The following WDFY1 variants were observed in gnomAD, a reference collection of about 807,000 sequenced individuals.
WDFY1 encodes WD repeat and FYVE domain-containing protein 1.
In WDFY1, 32 loss-of-function variants were observed where a neutral mutation model predicts 56.4. The ratio of observed to expected loss-of-function variants is 0.57; its 90% CI spans 0.43 to 0.76. The LOEUF is 0.76. Among genes scored for constraint, WDFY1 ranks in the 30% least tolerant of loss-of-function variants. WDFY1 has a pLI of 0.00. For missense variants in WDFY1, 480 were observed against 545.7 expected, an observed-to-expected ratio of 0.88 and a Z score of 1.20; for synonymous variants, 192 against 197.3, an observed-to-expected ratio of 0.97 and a Z score of 0.23.
chr2:223,896,338 C>A (rs967238503), intron 6 of WDFY1, among the ~76,000 whole-genome samples: 1 of 19,470 alleles, frequency 5.1e-5, no homozygotes, highest in Non-Finnish European at 1.8e-4. Flanking sequence ...CCAACCTACA[C>A]AAGATAAAAA....
chr2:223,882,335 G>A (rs1693086587), intron 9 of WDFY1, among the ~76,000 whole-genome samples: 2 of 152,134 alleles, frequency 1.3e-5, no homozygotes, highest in Non-Finnish European at 1.5e-5. Context: ...GGCTGGTCTC[G>A]AACTCCTGAC....
intron 2 of WDFY1, among the ~76,000 whole-genome samples, chr2:223,916,278 A>G (rs1014477237): frequency 1.2e-4 from 19 of 152,352 alleles, no homozygotes; most frequent in African/African-American, 4.1e-4. Flanking sequence ...TGAAATAGGT[A>G]TAAAGGAGAA....
chr2:223,876,267 C>T lies in WDFY1; in HGVS notation c.*2404G>A, dbSNP rs1172733621. On this transcript the variant is annotated 3_prime_UTR_variant, in exon 12 of 12. Coordinates refer to ENST00000233055, the MANE Select transcript of WDFY1 (RefSeq NM_020830.5). ...ATTCAGGAATGGAACAACCAGTAAA[C>T]TGTTACTTGAAGAACTAATTTAAAT... 3 of 152,452 alleles carry T rather than the reference C, an allele frequency of 2.0e-5. No homozygotes were observed. Among genetic ancestry groups the T allele is most frequent in the Non-Finnish European group, 4.4e-5 (3 of 67,998 alleles). The allele number at this position is 152,452 out of a possible 1,614,324, so 9.4% of individuals were successfully genotyped here.
At position 223,918,097 on chromosome 2, in the gene WDFY1, T is replaced by TG. The variant is rs1693820496; in HGVS notation, c.138-88_138-87insC. On this transcript the variant is annotated intron_variant, in intron 1 of 11. Coordinates refer to ENST00000233055, the MANE Select transcript of WDFY1 (RefSeq NM_020830.5). ...TGAGAACTTAATTTTTAAAATTTGTTTAACACTATTTCCTAACTGACCTTA... is the reference window on the plus strand; with the variant it reads ...TGAGAACTTAATTTTTAAAATTTGTTGTAACACTATTTCCTAACTGACCTTA... 2.8e-6 allele frequency: 4 copies of TG among 1,406,026 alleles called. No individual in the cohort carries two copies. In the South Asian group the frequency reaches 5.1e-5, roughly 18 times the overall value. The allele number at this position is 1,406,026 out of a possible 1,614,324, so 87.1% of individuals were successfully genotyped here. A position where few individuals can be genotyped will look rare whatever the true frequency, so the allele number is the denominator to read the frequency against.
chr2:223,926,248 G>C (rs1203443244), intron 1 of WDFY1, among the ~76,000 whole-genome samples: 2 of 152,090 alleles, frequency 1.3e-5, no homozygotes, highest in African/African-American at 4.8e-5. Flanking sequence ...CCAGGCTCCA[G>C]GGATCCTCCC....
intron 1 of WDFY1, among the ~76,000 whole-genome samples, chr2:223,930,161 C>A (rs1240274592): frequency 2.0e-5 from 3 of 152,320 alleles, no homozygotes; most frequent in Non-Finnish European, 4.4e-5. Context: ...CTACCTCCAG[C>A]TCTAGATTTA....
intron 1 of WDFY1, among the ~76,000 whole-genome samples, chr2:223,920,701 A>C (rs898929355): frequency 6.6e-6 from 1 of 152,210 alleles, no homozygotes; most frequent in Non-Finnish European, 1.5e-5. Flanking sequence ...GATCCTGAGG[A>C]GAAAATGGAG....
intron 8 of WDFY1, 111 bp from the exon 9 acceptor site, chr2:223,884,860 T>TTCTTC (rs72048678): frequency 0.026 from 12,166 of 467,122 alleles, 151 homozygotes; most frequent in East Asian, 0.047. Flanking sequence ...TCTTTTCTTC[T>TTCTTC]TTTTTTTTTT....
chr2:223,887,316 C>A (rs1358368483), intron 8 of WDFY1, among the ~76,000 whole-genome samples: 1 of 152,136 alleles, frequency 6.6e-6, no homozygotes, highest in East Asian at 1.9e-4. Context: ...CCAAGCGTAA[C>A]TCTTGCAAAA....
At chr2:223,902,276 A>C (rs1693519166) in intron 4 of WDFY1, among the ~76,000 whole-genome samples, 1 of 152,360 alleles carries the variant, frequency 6.6e-6, no homozygotes, top group East Asian at 1.9e-4. Flanking sequence ...TTAATCTTAA[A>C]TTCAGCTGGG....
At chr2:223,927,790 A>G (rs1694010199) in intron 1 of WDFY1, among the ~76,000 whole-genome samples, 1 of 152,208 alleles carries the variant, frequency 6.6e-6, no homozygotes, top group Admixed American at 6.5e-5. Flanking sequence ...AAGCTTAATC[A>G]TTTCTAACGT....
At chr2:223,879,040 A>G (rs1024436704) in intron 11 of WDFY1, among the ~76,000 whole-genome samples, 1 of 152,182 alleles carries the variant, frequency 6.6e-6, no homozygotes, top group Non-Finnish European at 1.5e-5. Context: ...TACAGAAATT[A>G]GCCTGGTGTG....
chr2:223,939,774 T>C (rs1689267844), intron 1 of WDFY1, among the ~76,000 whole-genome samples: 1 of 152,100 alleles, frequency 6.6e-6, no homozygotes, highest in Non-Finnish European at 1.5e-5. Flanking sequence ...CAATTCAAGA[T>C]AAGATTTGGG....
intron 8 of WDFY1, among the ~76,000 whole-genome samples, chr2:223,885,858 G>A (rs1264030725): frequency 2.0e-5 from 3 of 152,058 alleles, no homozygotes; most frequent in East Asian, 1.9e-4. Flanking sequence ...GGGCCACACA[G>A]GCATCCTGCA....
In WDFY1 at chr2:223,895,528, C is replaced by T. The variant is rs766886397; in HGVS notation, c.701G>A (p.Arg234Gln). 1.7e-5 allele frequency: 28 copies of T among 1,613,886 alleles called. No homozygotes were observed. Among genetic ancestry groups the T allele is most frequent in the Non-Finnish European group, 2.1e-5 (25 of 1,179,946 alleles). The part of the protein sequence containing the change: ...IMWDIGGRKG[R>Q]TLLLQGHHDK... Reference sequence around the variant, plus strand: ...CTGATGGCCCTGAAGTAACAGCGTCCGGCCTTTCCTTCCTCCGATGTCCCA... The same window carrying T: ...CTGATGGCCCTGAAGTAACAGCGTCTGGCCTTTCCTTCCTCCGATGTCCCA... Residue 234 changes from arginine to glutamine, a missense_variant, in exon 7 of 12, where the codon CGG (arginine) becomes CAG (glutamine). Transcript: ENST00000233055.
At chr2:223,894,893 T>C (rs1035788687) in intron 7 of WDFY1, among the ~76,000 whole-genome samples, 17 of 152,148 alleles carry the variant, frequency 1.1e-4, no homozygotes, top group Admixed American at 9.8e-4. Context: ...CCTCAGCTAA[T>C]TTTCAGCTTG....
chr2:223,908,160 G>A (rs1032646504), intron 3 of WDFY1, among the ~76,000 whole-genome samples: 2 of 152,052 alleles, frequency 1.3e-5, no homozygotes, highest in African/African-American at 4.8e-5. Flanking sequence ...CTGGTCCAAG[G>A]CTGCTTCTTT....
chr2:223,888,384 G>A (rs1349294192), intron 8 of WDFY1, among the ~76,000 whole-genome samples: 2 of 151,688 alleles, frequency 1.3e-5, no homozygotes, highest in Non-Finnish European at 2.9e-5. Context: ...TTTCATCAAA[G>A]TGATTGTCTT....
rs1226464831 is a variant in WDFY1 at position 223,884,870 on chromosome 2, T to C, written c.832-121A>G. Reference sequence around the variant, plus strand: ...GTATTTCTTTTCTTCTTTTTTTTTTTTTTTTGGTCTCCCAGGCTGGAGTGC... The same window carrying C: ...GTATTTCTTTTCTTCTTTTTTTTTTCTTTTTGGTCTCCCAGGCTGGAGTGC... On this transcript the variant is annotated intron_variant, in intron 8 of 11. Coordinates refer to ENST00000233055, the MANE Select transcript of WDFY1 (RefSeq NM_020830.5). The C allele has an allele frequency of 1.2e-5, 11 of 899,200 alleles. No homozygotes were observed. The East Asian group carries it at 2.3e-4, about 19-fold the overall frequency. 55.7% of individuals were successfully genotyped at this position (899,200 alleles called of 1,614,324 possible).
Sources: gnomAD v4.1 joint callset for allele counts (sites outside exome capture counted in the v4.1 genomes callset) on GRCh38, gnomAD v4.1.1 for gene constraint, MANE v1.5 for transcripts, NCBI Gene and HGNC (gene_info 2026-07-23, HGNC 2026-07-21) for gene names.